RBFOX1: variants seen among roughly 807,000 people sequenced by gnomAD.
RBFOX1 encodes the protein RNA binding fox-1 homolog 1.
A neutral mutation model predicts 57.7 loss-of-function variants in RBFOX1; 8 were observed. The observed-to-expected ratio is 0.14, with a 90% confidence interval of 0.08 to 0.25. The LOEUF (loss-of-function observed/expected upper bound fraction) is 0.25, where lower values mean the gene tolerates loss of function less well. RBFOX1 is among the 10% of genes least tolerant of loss of function. The pLI is 1.00. For missense variants in RBFOX1, 611 were observed against 548.5 expected (o/e 1.11, Z -1.14); for synonymous variants, 326 against 222.4 (o/e 1.47, Z -4.15).
At chr16:6,426,116 GTC>G (rs974738905) in intron 2 of RBFOX1, among the ~76,000 whole-genome samples, 51 of 149,464 alleles carry the variant, frequency 3.4e-4, no homozygotes, top group Non-Finnish European at 6.7e-4. Context: ...CCCTCTCATT[GTC>G]TCTCTCTTAT....
At chr16:7,466,448 G>T (rs2060536669) in intron 4 of RBFOX1, among the ~76,000 whole-genome samples, 1 of 152,128 alleles carries the variant, frequency 6.6e-6, no homozygotes, top group South Asian at 2.1e-4. Flanking sequence ...AGAAAAGAGG[G>T]GCTTAGTAGC....
rs577730672 is a variant in RBFOX1, at chr16:7,530,883, A to G, written c.270+12494A>G. Among the ~76,000 whole-genome samples, 4 of 152,234 alleles carry G rather than the reference A, an allele frequency of 2.6e-5. No homozygotes were observed. In the South Asian group the frequency reaches 8.3e-4, roughly 32 times the overall value. The stretch of plus-strand genomic sequence containing the variant: ...GTTCTCTGGCTTCTGGGCCATGGGG[A>G]GAAAGTCATCACCACCCAGAAAATA... On this transcript the variant is annotated intron_variant, in intron 5 of 15. Coordinates refer to ENST00000550418, the MANE Select transcript of RBFOX1 (RefSeq NM_018723.4).
At chr16:7,236,016 A>G (rs1397080797) in intron 4 of RBFOX1, among the ~76,000 whole-genome samples, 1 of 152,162 alleles carries the variant, frequency 6.6e-6, no homozygotes, top group African/African-American at 2.4e-5. Context: ...ATTTAACTAG[A>G]CCATGGTCAT....
intron 3 of RBFOX1, among the ~76,000 whole-genome samples, chr16:5,814,053 T>G (rs150408120): frequency 6.6e-6 from 1 of 152,344 alleles, no homozygotes; most frequent in East Asian, 1.9e-4. Flanking sequence ...TAGTAGTTAT[T>G]ATTACTAATG....
At chr16:5,447,667 A>G (rs189915357) in intron 1 of RBFOX1, among the ~76,000 whole-genome samples, 61 of 152,314 alleles carry the variant, frequency 4.0e-4, no homozygotes, top group Admixed American at 1.2e-3. Flanking sequence ...GAGTGCTGGG[A>G]TTACTGGCAT....
At chr16:5,604,157 A>G (rs770699937), downstream of RBFOX1, among the ~76,000 whole-genome samples, 23 of 152,210 alleles carry the variant, frequency 1.5e-4, no homozygotes, top group Non-Finnish European at 2.8e-4. Context: ...TTCCAGAGCC[A>G]TATTTCAAAA....
chr16:5,537,416 A>G (rs2044743634), intron 2 of RBFOX1, among the ~76,000 whole-genome samples: 1 of 152,196 alleles, frequency 6.6e-6, no homozygotes. Context: ...ATGCCAACAA[A>G]AAATTTATTA....
chr16:5,686,274 T>A (rs1438090863), intron 3 of RBFOX1, among the ~76,000 whole-genome samples: 1 of 152,174 alleles, frequency 6.6e-6, no homozygotes, highest in Non-Finnish European at 1.5e-5. Flanking sequence ...ACTGTGGGGT[T>A]ATGGAGGATG....
intron 3 of RBFOX1, among the ~76,000 whole-genome samples, chr16:5,863,134 G>T (rs943261296): frequency 6.6e-6 from 1 of 152,134 alleles, no homozygotes; most frequent in Admixed American, 6.5e-5. Flanking sequence ...TCCAATCTCA[G>T]TTGAAAAGGA....
At chr16:5,314,533 C>CTCTG (rs2064179414) in intron 1 of RBFOX1, among the ~76,000 whole-genome samples, 1 of 152,200 alleles carries the variant, frequency 6.6e-6, no homozygotes, top group Non-Finnish European at 1.5e-5. Context: ...CTGGATCTCA[C>CTCTG]TCTGTTGCCC....
At chr16:7,307,486 C>T (rs1326661536) in intron 4 of RBFOX1, among the ~76,000 whole-genome samples, 1 of 152,194 alleles carries the variant, frequency 6.6e-6, no homozygotes, top group Non-Finnish European at 1.5e-5. Flanking sequence ...AATGAAGAAG[C>T]AACTTTGATG....
At chr16:5,699,667 A>G (rs1283865787) in intron 3 of RBFOX1, among the ~76,000 whole-genome samples, 1 of 152,138 alleles carries the variant, frequency 6.6e-6, no homozygotes, top group African/African-American at 2.4e-5. Flanking sequence ...TGCTACTGGG[A>G]TCTAGAGGAT....
chr16:6,330,916 T>C (rs919109581), intron 2 of RBFOX1, among the ~76,000 whole-genome samples: 6 of 151,996 alleles, frequency 3.9e-5, no homozygotes, highest in Admixed American at 2.6e-4. Context: ...AATTAAAGGA[T>C]GGTATGGTTA....
At chr16:6,298,708 C>T (rs1016356269) in intron 1 of RBFOX1, among the ~76,000 whole-genome samples, 1 of 152,070 alleles carries the variant, frequency 6.6e-6, no homozygotes, top group Non-Finnish European at 1.5e-5. Context: ...AAGCAGTGTT[C>T]GAGAATGACA....
intron 1 of RBFOX1, among the ~76,000 whole-genome samples, chr16:6,184,305 C>G (rs749221798): frequency 6.6e-6 from 1 of 152,054 alleles, no homozygotes; most frequent in Non-Finnish European, 1.5e-5. Flanking sequence ...TGACATCATG[C>G]CCATTTAAAA....
At chr16:6,787,169 TGTGTG>T (rs2082108585) in intron 3 of RBFOX1, among the ~76,000 whole-genome samples, 1 of 152,142 alleles carries the variant, frequency 6.6e-6, no homozygotes, top group East Asian at 1.9e-4. Flanking sequence ...ATTTATCAGA[TGTGTG>T]GAGTGAAGGT....
intron 4 of RBFOX1, among the ~76,000 whole-genome samples, chr16:7,459,199 A>T (rs2059103123): frequency 6.6e-6 from 1 of 152,122 alleles, no homozygotes; most frequent in East Asian, 1.9e-4. Flanking sequence ...GGCAAAAGAA[A>T]GAATTTGGCC....
intron 3 of RBFOX1, among the ~76,000 whole-genome samples, chr16:5,703,077 AGATGAT>A (rs908601240): frequency 2.0e-5 from 3 of 152,202 alleles, no homozygotes; most frequent in Non-Finnish European, 2.9e-5. Context: ...GGCACTAAGA[AGATGAT>A]GATGAAAAAG....
At chr16:6,476,812 G>C (rs2095280428) in intron 2 of RBFOX1, among the ~76,000 whole-genome samples, 1 of 152,172 alleles carries the variant, frequency 6.6e-6, no homozygotes, top group African/African-American at 2.4e-5. Flanking sequence ...ACCTAACGTA[G>C]AACTTCTTTC....
Sources: gnomAD v4.1 joint callset for allele counts (sites outside exome capture counted in the v4.1 genomes callset) on GRCh38, gnomAD v4.1.1 for gene constraint, MANE v1.5 for transcripts, NCBI Gene and HGNC (gene_info 2026-07-23, HGNC 2026-07-21) for gene names.